PPEF2: variants seen among roughly 807,000 people sequenced by gnomAD.
PPEF2 encodes the protein protein phosphatase with EF-hand domain 2, also known as serine/threonine-protein phosphatase with EF-hands 2.
In PPEF2, 84 loss-of-function variants were observed where a neutral mutation model predicts 84.7. The ratio of observed to expected loss-of-function variants is 0.99; its 90% CI spans 0.83 to 1.19. The LOEUF (loss-of-function observed/expected upper bound fraction) is 1.19, where lower values mean the gene tolerates loss of function less well. Among genes scored for constraint, PPEF2 ranks in the 50% most tolerant of loss-of-function variants. The pLI, the probability that PPEF2 is intolerant of heterozygous loss-of-function variation, is 0.00. For synonymous variants in PPEF2, 346 were observed against 345.2 expected (o/e 1.00, Z -0.03); for missense variants, 924 against 937.5 (o/e 0.99, Z 0.19).
rs186986454 is a variant in PPEF2 at position 75,888,310 on chromosome 4, C to T, written c.436G>A (p.Val146Ile). Residue 146 changes from valine (V) to isoleucine (I), a missense_variant, in exon 6 of 17, where the codon GTC becomes ATC. Physicochemically the swap from Val to Ile is conservative, Grantham distance 29 (BLOSUM62 3). Coordinates refer to ENST00000286719, the MANE Select transcript of PPEF2 (RefSeq NM_006239.3). Reference sequence around the variant, plus strand: ...TTGGTTTCATACAAAAGGTTCAAGACGTAGCGAGCATGGAGCTGCTACTGG... The same window carrying T: ...TTGGTTTCATACAAAAGGTTCAAGATGTAGCGAGCATGGAGCTGCTACTGG... The part of the protein sequence containing the change: ...RLKQQLHARY[V>I]LNLLYETKKH... The T allele has an allele frequency of 1.5e-5, 25 of 1,613,662 alleles. No homozygotes were observed. Among genetic ancestry groups the T allele is most frequent in the East Asian group, 1.1e-4 (5 of 44,874 alleles).
Position 75,888,227 on chromosome 4 carries a change from C to A in PPEF2, c.519G>T (p.Glu173Asp). ...ACCAGCTCTTACCACACACTGTGAT[C>A]TCCTCACTGTAACAGGTTGAGACCC... ...INRVSTCYSE[E>D]ITVCGDLHGQ... The change falls in exon 6 of 17, where the codon GAG becomes GAT. Residue 173 changes from glutamate to aspartate, a missense_variant. By Grantham distance (45) the Glu-to-Asp change is conservative (BLOSUM62 2). Transcript: ENST00000286719. The A allele has an allele frequency of 1.2e-6, 2 of 1,610,832 alleles. No individual in the cohort carries two copies. Among genetic ancestry groups the A allele is most frequent in the Non-Finnish European group, 1.7e-6 (2 of 1,177,026 alleles).
intron 1 of PPEF2, among the ~76,000 whole-genome samples, chr4:75,897,225 CCTGA>C (rs1447058850): frequency 2.0e-5 from 3 of 152,290 alleles, no homozygotes; most frequent in Admixed American, 6.5e-5. Context: ...CTCCCATCTT[CCTGA>C]CTACTTACTG....
chr4:75,876,507 T>C lies in PPEF2; in HGVS notation c.1100A>G (p.Gln367Arg), dbSNP rs764838884. ...GATGCTGGAGGACCTGCTGGTTTTC[T>C]GGGCCTTGTAGGAGCCAAGCCGAAG... ...SPLRLGSYKAQKTSRSSSIPC... is the reference protein window; with the variant it reads ...SPLRLGSYKARKTSRSSSIPC... The change falls in exon 11 of 17, where the codon CAG becomes CGG. Residue 367 changes from glutamine to arginine, a missense_variant. Physicochemically the swap from Gln to Arg is conservative, Grantham distance 43. Coordinates refer to ENST00000286719, the MANE Select transcript of PPEF2 (RefSeq NM_006239.3). 4.3e-6 allele frequency: 7 copies of C among 1,613,918 alleles called. No individual in the cohort carries two copies. Among genetic ancestry groups the C allele is most frequent in the Non-Finnish European group, 5.1e-6 (6 of 1,179,970 alleles).
At position 75,866,561 on chromosome 4, in the gene PPEF2, A is replaced by T. The variant is rs568385913; in HGVS notation, c.1757-209T>A. The T allele has an allele frequency of 9.3e-5, 62 of 667,166 alleles. No individual in the cohort carries two copies. The African/African-American group carries it at 9.8e-4, about 11-fold the overall frequency. 41.3% of individuals were successfully genotyped at this position (667,166 alleles called of 1,614,324 possible). A position where few individuals can be genotyped will look rare whatever the true frequency, so the allele number is the denominator to read the frequency against. The stretch of plus-strand genomic sequence containing the variant: ...AAGATGTCCAGTTAAATTTTAATTG[A>T]AGACAGACAGTAAAGTATATAAAAG... On this transcript the variant is annotated intron_variant, in intron 14 of 16. Coordinates refer to ENST00000286719, the MANE Select transcript of PPEF2 (RefSeq NM_006239.3).
chr4:75,892,043 G>A, intron 2 of PPEF2, 65 bp from the exon 3 acceptor site: 2 of 1,586,744 alleles, frequency 1.3e-6, no homozygotes, highest in Non-Finnish European at 1.7e-6. Flanking sequence ...TTTGGGGGTA[G>A]GGAGAGGAAG....
In PPEF2 at chr4:75,888,195, G is replaced by T; in HGVS notation, c.532+19C>A. The stretch of plus-strand genomic sequence containing the variant: ...TTCTTTGTGTGCAGCATGGAAAGCC[G>T]TTTCTGACCAGCTCTTACCACACAC... On this transcript the variant is annotated intron_variant, in intron 6 of 16. Transcript: ENST00000286719. 1 of 1,557,468 alleles carries T rather than the reference G, an allele frequency of 6.4e-7. No homozygotes were observed. Among genetic ancestry groups the T allele is most frequent in the Non-Finnish European group, 8.9e-7 (1 of 1,128,768 alleles).
At chr4:75,901,244 C>T (rs895779067) in intron 1 of PPEF2, among the ~76,000 whole-genome samples, 9 of 151,994 alleles carry the variant, frequency 5.9e-5, no homozygotes, top group East Asian at 5.8e-4. Flanking sequence ...GGCTGGGTGC[C>T]GTGGCTCATG....
At chr4:75,896,172 A>G in intron 2 of PPEF2, 99 bp downstream of exon 2, 1 of 1,328,520 alleles carries the variant, frequency 7.5e-7, no homozygotes, top group Middle Eastern at 2.2e-4. Context: ...GGAGAAATTT[A>G]AGGGTTTTTC....
At chr4:75,895,487 C>A (rs1328392918) in intron 2 of PPEF2, among the ~76,000 whole-genome samples, 1 of 151,778 alleles carries the variant, frequency 6.6e-6, no homozygotes, top group Non-Finnish European at 1.5e-5. Flanking sequence ...AATCCCAGCA[C>A]TTTGGGAAGC....
intron 8 of PPEF2, 161 bp from the exon 9 acceptor site, chr4:75,883,363 C>T (rs1724628549): frequency 3.2e-6 from 2 of 632,874 alleles, no homozygotes; most frequent in Non-Finnish European, 5.5e-6. Flanking sequence ...ATGTCATTAT[C>T]CCTGGGTAGA....
At position 75,868,315 on chromosome 4, in the gene PPEF2, C is replaced by CA. The variant is rs10646136; in HGVS notation, c.1650-897dup. 1.0e-3 allele frequency among the ~76,000 whole-genome samples: 57 copies of CA among 55,714 alleles called. 1 individual carries two copies. Among genetic ancestry groups the CA allele is most frequent in the African/African-American group, 3.6e-3 (55 of 15,294 alleles). The allele number at this position is 55,714 out of a possible 152,430, so 36.6% of individuals were successfully genotyped here. A position where few individuals can be genotyped will look rare whatever the true frequency, so the allele number is the denominator to read the frequency against. On this transcript the variant is annotated intron_variant, in intron 13 of 16. Coordinates refer to ENST00000286719, the MANE Select transcript of PPEF2 (RefSeq NM_006239.3). ...TGGGTGAAAAAGTAAGACCCTGTCT[C>CA]AAAAAAAAAAAAAAAAAGAATATAA... is the stretch of plus-strand genomic sequence containing the variant.
chr4:75,890,984 A>G (rs1458538279), intron 4 of PPEF2, among the ~76,000 whole-genome samples: 1 of 152,058 alleles, frequency 6.6e-6, no homozygotes, highest in Non-Finnish European at 1.5e-5. Context: ...GGAGTTCAAG[A>G]CCAGCCTGGT....
At chr4:75,871,121 T>C (rs371817642) in intron 13 of PPEF2, among the ~76,000 whole-genome samples, 21 of 152,050 alleles carry the variant, frequency 1.4e-4, no homozygotes, top group African/African-American at 4.6e-4. Context: ...GGTTTCACCA[T>C]GTTGGCCAGG....
chr4:75,899,270 A>G (rs1725070373), intron 1 of PPEF2, among the ~76,000 whole-genome samples: 1 of 152,194 alleles, frequency 6.6e-6, no homozygotes, highest in African/African-American at 2.4e-5. Context: ...TGATGGGCAT[A>G]CAGGTTGATT....
chr4:75,885,607 G>A (rs1479624746), intron 7 of PPEF2, among the ~76,000 whole-genome samples: 2 of 152,216 alleles, frequency 1.3e-5, no homozygotes, highest in Non-Finnish European at 2.9e-5. Context: ...GCTCACGCCT[G>A]TAATACCAAC....
Position 75,870,878 on chromosome 4 carries a change from C to CATTTATTTATTTATTTATTT in PPEF2, c.1649+1127_1649+1146dup, listed in dbSNP as rs33975459. Among the ~76,000 whole-genome samples, 836 of 146,654 alleles carry CATTTATTTATTTATTTATTT rather than the reference C, an allele frequency of 5.7e-3. 10 individuals carry two copies. Among genetic ancestry groups the CATTTATTTATTTATTTATTT allele is most frequent in the African/African-American group, 0.012 (463 of 40,056 alleles). Reference sequence around the variant, plus strand: ...AACTCAGAATCATCTCAAAAGCTACCATTTATTTATTTATTTATTTATTTA... The same window carrying CATTTATTTATTTATTTATTT: ...AACTCAGAATCATCTCAAAAGCTACCATTTATTTATTTATTTATTTATTTATTTATTTATTTATTTATTTA... On this transcript the variant is annotated intron_variant, in intron 13 of 16. Transcript: ENST00000286719.
chr4:75,886,720 C>A, intron 7 of PPEF2, 132 bp downstream of exon 7: 1 of 443,150 alleles, frequency 2.3e-6, no homozygotes. Context: ...ACCCCCATCT[C>A]AAAAAAATAA....
At chr4:75,861,071 C>A in intron 16 of PPEF2, 151 bp from the exon 17 acceptor site, 1 of 917,848 alleles carries the variant, frequency 1.1e-6, no homozygotes, top group Non-Finnish European at 1.6e-6. Flanking sequence ...GAGGATCACA[C>A]AAACCCACTG....
In PPEF2 at chr4:75,883,364, C is replaced by G. The variant is rs563505831; in HGVS notation, c.747-162G>C. ...AAATGTTTAAAACTATGTCATTATC[C>G]CTGGGTAGAGAAATTATGGGATATT... On this transcript the variant is annotated intron_variant, in intron 8 of 16. Coordinates refer to ENST00000286719, the MANE Select transcript of PPEF2 (RefSeq NM_006239.3). 7.0e-5 allele frequency: 44 copies of G among 631,984 alleles called. No homozygotes were observed. The South Asian group carries it at 8.0e-4, about 11-fold the overall frequency. The allele number at this position is 631,984 out of a possible 1,614,324, so 39.1% of individuals were successfully genotyped here.
Sources: gnomAD v4.1 joint callset for allele counts (sites outside exome capture counted in the v4.1 genomes callset) on GRCh38, gnomAD v4.1.1 for gene constraint, MANE v1.5 for transcripts, NCBI Gene and HGNC (gene_info 2026-07-23, HGNC 2026-07-21) for gene names.